PTPRD: variants seen among roughly 807,000 people sequenced by gnomAD.
PTPRD encodes the protein protein tyrosine phosphatase receptor type D, also known as receptor-type tyrosine-protein phosphatase delta.
A neutral mutation model predicts 214.5 loss-of-function variants in PTPRD; 34 were observed. That is an observed-to-expected ratio of 0.16 (90% CI 0.12 to 0.21). The LOEUF is 0.21. PTPRD is among the 10% of genes least tolerant of loss of function. The pLI, the probability that PTPRD is intolerant of heterozygous loss-of-function variation, is 1.00. For missense variants in PTPRD, 2,545 were observed against 2,398.7 expected (o/e 1.06, Z -1.27); for synonymous variants, 1,128 against 845.7 (o/e 1.33, Z -5.79).
At chr9:8,583,379 T>C (rs528897146) in intron 14 of PTPRD, among the ~76,000 whole-genome samples, 1 of 152,202 alleles carries the variant, frequency 6.6e-6, no homozygotes, top group South Asian at 2.1e-4. Context: ...CATGTTAGCA[T>C]GTTGCCATGT....
intron 4 of PTPRD, among the ~76,000 whole-genome samples, chr9:10,012,258 T>C (rs1299193081): frequency 1.3e-5 from 2 of 151,702 alleles, no homozygotes; most frequent in Admixed American, 1.3e-4. Flanking sequence ...TGAAATGAGG[T>C]TTTAATCACA....
In PTPRD at chr9:8,338,909, T is replaced by G. The variant is rs1370445234; in HGVS notation, c.5379+13A>C. On this transcript the variant is annotated intron_variant, in intron 43 of 45. Transcript: ENST00000381196. ...CAGCTAATGGTTAAGAGTTGAAGAC[T>G]GTGCCAACTTACCCTGGCATCTGTG... The G allele has an allele frequency of 6.9e-6, 11 of 1,605,694 alleles. No individual in the cohort carries two copies. Among genetic ancestry groups the G allele is most frequent in the Non-Finnish European group, 9.4e-6 (11 of 1,174,808 alleles).
At chr9:8,835,249 C>A (rs1247963998) in intron 11 of PTPRD, among the ~76,000 whole-genome samples, 1 of 152,226 alleles carries the variant, frequency 6.6e-6, no homozygotes, top group Non-Finnish European at 1.5e-5. Context: ...ACAGATGGAT[C>A]TGGCTCTGCA....
intron 3 of PTPRD, among the ~76,000 whole-genome samples, chr9:10,105,221 G>T (rs1482243129): frequency 1.3e-5 from 2 of 151,650 alleles, no homozygotes; most frequent in African/African-American, 4.8e-5. Context: ...AATTCAATTA[G>T]TCTTGAGGGA....
rs368922238 is a variant in PTPRD, at chr9:9,316,248, C to T, written c.-203+81201G>A. On this transcript the variant is annotated intron_variant, in intron 9 of 45. Coordinates refer to ENST00000381196, the MANE Select transcript of PTPRD (RefSeq NM_002839.4). The stretch of plus-strand genomic sequence containing the variant: ...TCTCCCTCTCCTCCTCTCTCTCTCC[C>T]CTACCGTCTCTCTTATACTCACTGT... 5.3e-5 allele frequency among the ~76,000 whole-genome samples: 8 copies of T among 151,998 alleles called. No individual in the cohort carries two copies. In the East Asian group the frequency reaches 9.7e-4, roughly 18 times the overall value.
At chr9:10,269,342 A>G (rs1468995537) in intron 3 of PTPRD, among the ~76,000 whole-genome samples, 1 of 152,198 alleles carries the variant, frequency 6.6e-6, no homozygotes, top group Non-Finnish European at 1.5e-5. Flanking sequence ...GCTGATAATG[A>G]GATAAACATG....
intron 3 of PTPRD, among the ~76,000 whole-genome samples, chr9:10,332,972 C>A (rs759175323): frequency 2.6e-5 from 4 of 151,860 alleles, no homozygotes; most frequent in Non-Finnish European, 4.4e-5. Flanking sequence ...GTTGCTACCG[C>A]CTTCAAGTAA....
At chr9:8,920,106 C>T (rs1174634576) in intron 11 of PTPRD, among the ~76,000 whole-genome samples, 2 of 151,946 alleles carry the variant, frequency 1.3e-5, no homozygotes, top group Admixed American at 1.3e-4. Context: ...TTTGGGAGAC[C>T]GAGGTGGTCA....
intron 9 of PTPRD, among the ~76,000 whole-genome samples, chr9:9,227,464 G>T (rs2099960256): frequency 6.6e-6 from 1 of 152,010 alleles, no homozygotes; most frequent in African/African-American, 2.4e-5. Context: ...TTTACTTTTT[G>T]TGATAACTGT....
chr9:9,806,216 G>T (rs908578136), intron 5 of PTPRD, among the ~76,000 whole-genome samples: 1 of 152,022 alleles, frequency 6.6e-6, no homozygotes, highest in Non-Finnish European at 1.5e-5. Context: ...ACCATCAGAA[G>T]ATGGTCAGGC....
intron 10 of PTPRD, among the ~76,000 whole-genome samples, chr9:9,111,710 T>C (rs76692351): frequency 0.015 from 2,279 of 152,276 alleles, 42 homozygotes; most frequent in East Asian, 0.07. Flanking sequence ...TCTGAAATTA[T>C]TTTGGCCACA....
chr9:9,704,149 C>A, intron 7 of PTPRD, among the ~76,000 whole-genome samples: 1 of 152,158 alleles, frequency 6.6e-6, no homozygotes, highest in East Asian at 1.9e-4. Context: ...TCTCATAATG[C>A]AAAGTGGCTT....
chr9:9,822,419 A>G (rs1024540456), intron 5 of PTPRD, among the ~76,000 whole-genome samples: 2 of 148,158 alleles, frequency 1.3e-5, no homozygotes, highest in African/African-American at 4.9e-5. Context: ...CAAAAAATAT[A>G]TAATATATAC....
At chr9:10,222,884 T>A (rs1422772998) in intron 3 of PTPRD, among the ~76,000 whole-genome samples, 3 of 152,040 alleles carry the variant, frequency 2.0e-5, no homozygotes, top group African/African-American at 7.2e-5. Context: ...CTGGAAAATC[T>A]CAAAGAAAGA....
chr9:9,421,553 CA>C lies in PTPRD; in HGVS notation c.-236-24072del, dbSNP rs1460013149. 2.6e-5 allele frequency among the ~76,000 whole-genome samples: 4 copies of C among 151,980 alleles called. No homozygotes were observed. The East Asian group carries it at 5.8e-4, about 22-fold the overall frequency. On this transcript the variant is annotated intron_variant, in intron 8 of 45. Transcript: ENST00000381196. ...GTGTTTTCTTATTCTTTGTTCTGGG[CA>C]GAAGATAATCTGAACTTAGAAATAC... is the stretch of plus-strand genomic sequence containing the variant.
intron 11 of PTPRD, among the ~76,000 whole-genome samples, chr9:8,781,561 T>A (rs1160623428): frequency 6.6e-6 from 1 of 152,172 alleles, no homozygotes; most frequent in Non-Finnish European, 1.5e-5. Context: ...TCCAAAGCAC[T>A]AAAATAAAGA....
At chr9:9,825,930 T>A (rs2052669418) in intron 5 of PTPRD, among the ~76,000 whole-genome samples, 1 of 151,740 alleles carries the variant, frequency 6.6e-6, no homozygotes, top group Non-Finnish European at 1.5e-5. Flanking sequence ...TATTATAATA[T>A]TTCTTGGTAC....
intron 12 of PTPRD, among the ~76,000 whole-genome samples, chr9:8,657,747 T>C (rs1418749524): frequency 3.3e-5 from 5 of 152,140 alleles, no homozygotes; most frequent in African/African-American, 1.2e-4. Flanking sequence ...AAAGCATACA[T>C]TTTACTAAGT....
At chr9:10,580,928 C>G (rs2071511057) in intron 2 of PTPRD, among the ~76,000 whole-genome samples, 1 of 152,068 alleles carries the variant, frequency 6.6e-6, no homozygotes, top group South Asian at 2.1e-4. Flanking sequence ...CACTGATTTC[C>G]TCAAATATAG....
Sources: gnomAD v4.1 joint callset for allele counts (sites outside exome capture counted in the v4.1 genomes callset) on GRCh38, gnomAD v4.1.1 for gene constraint, MANE v1.5 for transcripts, NCBI Gene and HGNC (gene_info 2026-07-23, HGNC 2026-07-21) for gene names.